The following PLCXD2 variants were observed in gnomAD, a reference collection of about 807,000 sequenced individuals.
The protein encoded by PLCXD2 is PI-PLC X domain-containing protein 2.
Under a neutral mutation model 28.6 loss-of-function variants are expected in PLCXD2, and 21 were observed. The observed-to-expected ratio is 0.73, with a 90% CI of 0.52 to 1.06. The LOEUF is 1.06. PLCXD2 is among the 50% of genes least tolerant of loss of function. PLCXD2 has a pLI of 0.00. For missense variants in PLCXD2, 369 were observed against 376.7 expected (o/e 0.98, Z 0.17); for synonymous variants, 140 against 150.1 (o/e 0.93, Z 0.49).
chr3:111,676,840 G>T (rs1444988325), intron 1 of PLCXD2: 1 of 152,184 alleles, frequency 6.6e-6, no homozygotes, highest in Non-Finnish European at 1.5e-5. Context: ...GGCCCTAAAT[G>T]GCTGTGTCAT....
intron 1 of PLCXD2, among the ~76,000 whole-genome samples, chr3:111,677,848 A>C (rs901509068): frequency 6.6e-6 from 1 of 152,256 alleles, no homozygotes; most frequent in Admixed American, 6.5e-5. Flanking sequence ...CTTTGAATAT[A>C]TAGGTAGATA....
chr3:111,722,182 G>GATTGACTTATTTATTTATTTATTT (rs148008020), intron 3 of PLCXD2: 5 of 122,034 alleles, frequency 4.1e-5, no homozygotes, highest in Admixed American at 1.6e-4. Context: ...CTTGTGTTTT[G>GATTGACTTATTTATTTATTTATTT]ATTTATTTAT....
chr3:111,724,370 G>A (rs955508883), intron 3 of PLCXD2: 1 of 151,902 alleles, frequency 6.6e-6, no homozygotes, highest in African/African-American at 2.4e-5. Context: ...TCAAAGAAAA[G>A]CACAAAATCT....
intron 2 of PLCXD2, among the ~76,000 whole-genome samples, chr3:111,712,520 C>T (rs1484632314): frequency 6.6e-6 from 1 of 152,158 alleles, no homozygotes; most frequent in Non-Finnish European, 1.5e-5. Context: ...TTACCACAGA[C>T]GTCATTAGCA....
intron 3 of PLCXD2, chr3:111,722,142 G>T (rs1033865855): frequency 1.3e-5 from 2 of 151,444 alleles, no homozygotes; most frequent in African/African-American, 4.9e-5. Context: ...TTTTTTTATC[G>T]ATAAGAGGTG....
chr3:111,714,227 G>A, intron 3 of PLCXD2, 99 bp downstream of exon 3: 1 of 1,413,664 alleles, frequency 7.1e-7, no homozygotes, highest in South Asian at 1.5e-5. Flanking sequence ...AGTCTGAGGA[G>A]TTAGAAAAAC....
At chr3:111,693,543 A>G (rs1339600566) in intron 1 of PLCXD2, among the ~76,000 whole-genome samples, 5 of 152,158 alleles carry the variant, frequency 3.3e-5, no homozygotes, top group Non-Finnish European at 5.9e-5. Flanking sequence ...TTTTCTGGCT[A>G]TTGTAGTTAC....
At chr3:111,725,406 T>C (rs1369627900) in intron 3 of PLCXD2, 1 of 369,068 alleles carries the variant, frequency 2.7e-6, no homozygotes, top group Non-Finnish European at 4.8e-6. Context: ...CAGAGTGAAC[T>C]GTTTGAGTGA....
chr3:111,675,573 G>T (rs1370811988), intron 1 of PLCXD2, among the ~76,000 whole-genome samples, 165 bp downstream of exon 1: 1 of 152,196 alleles, frequency 6.6e-6, no homozygotes, highest in Non-Finnish European at 1.5e-5. Flanking sequence ...TAAAGAGATT[G>T]CAGTACACTG....
chr3:111,714,448 C>T (rs1018833779), intron 3 of PLCXD2, among the ~76,000 whole-genome samples: 3 of 152,186 alleles, frequency 2.0e-5, no homozygotes, highest in South Asian at 2.1e-4. Flanking sequence ...GCCTGTGCCT[C>T]GCAGCTGACC....
At chr3:111,687,280 A>G (rs958586245) in intron 1 of PLCXD2, among the ~76,000 whole-genome samples, 1 of 152,214 alleles carries the variant, frequency 6.6e-6, no homozygotes, top group Non-Finnish European at 1.5e-5. Context: ...CTGCCATGGA[A>G]TCACAGAGGA....
chr3:111,675,372 C>T lies in PLCXD2; in HGVS notation c.127C>T (p.Leu43Phe). The T allele has an allele frequency of 1.2e-6, 2 of 1,614,208 alleles. No individual in the cohort carries two copies. The highest frequency in any genetic ancestry group is 1.1e-5 in the South Asian group (1 of 91,084). Residue 43 changes from leucine to phenylalanine, a missense_variant, in exon 1 of 5, where the codon CTC (leucine) becomes TTC (phenylalanine). Leu to Phe is a conservative substitution (Grantham distance 22, BLOSUM62 0). Transcript: ENST00000477665. The stretch of plus-strand genomic sequence containing the variant: ...CTGGATGGCCTCGCTCCCCCCTCAC[C>T]TCCACAACCTCCCCCTTTCCAATCT...
chr3:111,708,803 A>C (rs1325911608), intron 2 of PLCXD2, among the ~76,000 whole-genome samples: 3 of 152,214 alleles, frequency 2.0e-5, no homozygotes, highest in Non-Finnish European at 4.4e-5. Context: ...CTGATTAGGA[A>C]AAGTATTAGC....
chr3:111,689,737 C>T (rs1940847224), intron 1 of PLCXD2, among the ~76,000 whole-genome samples: 1 of 151,976 alleles, frequency 6.6e-6, no homozygotes. Context: ...TGAAATATAT[C>T]TACAAAGAAT....
intron 3 of PLCXD2, chr3:111,722,190 T>TATTTATTC (rs1941356218): frequency 6.6e-6 from 1 of 151,512 alleles, no homozygotes; most frequent in Non-Finnish European, 1.5e-5. Context: ...TTGATTTATT[T>TATTTATTC]ATTTATTTAT....
chr3:111,688,088 A>C (rs1202937100), intron 1 of PLCXD2, among the ~76,000 whole-genome samples: 1 of 152,216 alleles, frequency 6.6e-6, no homozygotes, highest in Non-Finnish European at 1.5e-5. Flanking sequence ...TAATAGTTGC[A>C]TGACCTTGAG....
intron 1 of PLCXD2, among the ~76,000 whole-genome samples, chr3:111,686,375 A>C (rs1940795335): frequency 6.6e-6 from 1 of 152,168 alleles, no homozygotes; most frequent in Admixed American, 6.5e-5. Context: ...CAGTTGCTTT[A>C]TTGCATTGTG....
intron 1 of PLCXD2, among the ~76,000 whole-genome samples, chr3:111,697,939 C>T (rs1224306344): frequency 1.3e-5 from 2 of 152,108 alleles, no homozygotes; most frequent in Non-Finnish European, 2.9e-5. Flanking sequence ...CTGTAGAATA[C>T]TATGATCCAA....
intron 1 of PLCXD2, among the ~76,000 whole-genome samples, chr3:111,700,083 G>A (rs1197265427): frequency 6.6e-6 from 1 of 152,186 alleles, no homozygotes; most frequent in Non-Finnish European, 1.5e-5. Flanking sequence ...AAGCTTGTCA[G>A]CTTCCGTCCC....
Sources: allele counts gnomAD v4.1 joint callset (sites outside exome capture counted in the v4.1 genomes callset), GRCh38; gene constraint gnomAD v4.1.1; transcripts MANE v1.5; gene names NCBI Gene and HGNC (gene_info 2026-07-23, HGNC 2026-07-21).